Variants in RBFOX3 observed in about 807,000 individuals in gnomAD.
RBFOX3 encodes the protein RNA binding protein fox-1 homolog 3.
A neutral mutation model predicts 48.7 loss-of-function variants in RBFOX3; 17 were observed. That is an observed-to-expected ratio of 0.35 (90% CI 0.24 to 0.52). The LOEUF is 0.52. Ranked by LOEUF, RBFOX3 falls within the 20% of genes least tolerant of loss-of-function variation. The pLI is 0.94. For missense variants in RBFOX3, 382 were observed against 497.5 expected (o/e 0.77, Z 2.21); for synonymous variants, 212 against 209.5 (o/e 1.01, Z -0.10).
At chr17:79,255,726 G>A (rs1013135672) in intron 3 of RBFOX3, among the ~76,000 whole-genome samples, 45 of 151,976 alleles carry the variant, frequency 3.0e-4, no homozygotes, top group African/African-American at 1.0e-3. Context: ...TCACCATCCC[G>A]GGGGCACCTG....
chr17:79,248,028 C>T (rs1183637114), intron 3 of RBFOX3, among the ~76,000 whole-genome samples: 1 of 152,244 alleles, frequency 6.6e-6, no homozygotes, highest in African/African-American at 2.4e-5. Context: ...CCACCAGAGG[C>T]AGTCACAGCA....
intron 2 of RBFOX3, among the ~76,000 whole-genome samples, chr17:79,351,842 C>T (rs958474087): frequency 6.6e-6 from 1 of 152,140 alleles, no homozygotes; most frequent in Non-Finnish European, 1.5e-5. Context: ...TGAGGAAGTA[C>T]AATTTTTCTT....
intron 1 of RBFOX3, among the ~76,000 whole-genome samples, chr17:79,570,634 C>T (rs1160300837): frequency 1.3e-5 from 2 of 152,318 alleles, no homozygotes; most frequent in Non-Finnish European, 1.5e-5. Context: ...CACTAGCTCT[C>T]AAGCCCTCCT....
intron 3 of RBFOX3, among the ~76,000 whole-genome samples, chr17:79,268,831 G>T (rs1009077839): frequency 6.6e-6 from 1 of 152,076 alleles, no homozygotes; most frequent in African/African-American, 2.4e-5. Context: ...TCTCATTCCT[G>T]TTCCTTCCTC....
At chr17:79,553,345 T>G (rs2091328236) in intron 1 of RBFOX3, among the ~76,000 whole-genome samples, 2 of 152,294 alleles carry the variant, frequency 1.3e-5, no homozygotes, top group Non-Finnish European at 1.5e-5. Flanking sequence ...GTATTATTAT[T>G]TTAAGATGAT....
chr17:79,215,541 C>T (rs2058930221), intron 4 of RBFOX3, among the ~76,000 whole-genome samples: 1 of 152,240 alleles, frequency 6.6e-6, no homozygotes, highest in Non-Finnish European at 1.5e-5. Context: ...TGACCGACCA[C>T]TCAGACTCAT....
chr17:79,426,876 G>A (rs2067489062), intron 2 of RBFOX3, among the ~76,000 whole-genome samples: 1 of 152,066 alleles, frequency 6.6e-6, no homozygotes, highest in South Asian at 2.1e-4. Flanking sequence ...GGGTAATTTT[G>A]TATTTTTAGT....
the RBFOX3 span, among the ~76,000 whole-genome samples, chr17:79,624,766 T>C: frequency 6.6e-6 from 1 of 152,046 alleles, no homozygotes; most frequent in Non-Finnish European, 1.5e-5. Flanking sequence ...CTCTCCCATG[T>C]CACTGAGGTT....
chr17:79,187,839 A>G (rs2053718028), intron 4 of RBFOX3, among the ~76,000 whole-genome samples: 1 of 151,968 alleles, frequency 6.6e-6, no homozygotes, highest in African/African-American at 2.4e-5. Flanking sequence ...GGGATGGGAA[A>G]CCCAGCAGAC....
At chr17:79,572,813 G>A (rs1222874520) in intron 1 of RBFOX3, among the ~76,000 whole-genome samples, 4 of 152,160 alleles carry the variant, frequency 2.6e-5, no homozygotes, top group African/African-American at 7.2e-5. Flanking sequence ...TAATGGCCAC[G>A]CTGCAGGGAC....
At chr17:79,216,027 G>C (rs887666827) in intron 4 of RBFOX3, among the ~76,000 whole-genome samples, 3 of 152,254 alleles carry the variant, frequency 2.0e-5, no homozygotes, top group African/African-American at 7.2e-5. Flanking sequence ...GGTCACCCAG[G>C]GGTCCAGCAC....
chr17:79,217,738 C>T (rs1171186184), intron 4 of RBFOX3, among the ~76,000 whole-genome samples: 1 of 151,978 alleles, frequency 6.6e-6, no homozygotes, highest in South Asian at 2.1e-4. Flanking sequence ...GAAAGCTCAC[C>T]CTGAAGTCAA....
intron 1 of RBFOX3, among the ~76,000 whole-genome samples, chr17:79,519,935 T>C (rs1016586576): frequency 4.6e-5 from 7 of 152,196 alleles, no homozygotes; most frequent in Admixed American, 2.0e-4. Flanking sequence ...TGGCTGGTTT[T>C]CCTCTGCATC....
chr17:79,620,111 G>A, the RBFOX3 span, among the ~76,000 whole-genome samples: 4 of 123,356 alleles, frequency 3.2e-5, no homozygotes, highest in African/African-American at 4.3e-5. Flanking sequence ...GTGCATGCAC[G>A]CATATGCACA....
chr17:79,638,626 G>A, the RBFOX3 span, among the ~76,000 whole-genome samples: 1 of 152,160 alleles, frequency 6.6e-6, no homozygotes, highest in African/African-American at 2.4e-5. Flanking sequence ...GTTGCAGGTG[G>A]GACCTAATGG....
Position 79,421,677 on chromosome 17 carries a change from C to T in RBFOX3, c.-175+60777G>A, listed in dbSNP as rs1164309674. ...CACACCGAACGCGGTCACCATAGGA[C>T]CAAACAAGATGACCATAGGACCAAG... On this transcript the variant is annotated intron_variant, in intron 2 of 14. Transcript: ENST00000693108. The surrounding 1 kb of genome is among the most constrained non-coding windows in gnomAD (Gnocchi z 4.5). Among the ~76,000 whole-genome samples the T allele has an allele frequency of 6.6e-6, 1 of 152,118 alleles. No homozygotes were observed. Among genetic ancestry groups the T allele is most frequent in the East Asian group, 1.9e-4 (1 of 5,164 alleles).
At chr17:79,344,539 G>A (rs375317972) in intron 2 of RBFOX3, among the ~76,000 whole-genome samples, 1 of 93,688 alleles carries the variant, frequency 1.1e-5, no homozygotes, top group African/African-American at 3.9e-5. Flanking sequence ...CACTTTGTTT[G>A]ATTATTTATT....
rs75348792 is a variant in RBFOX3 at position 79,090,893 on chromosome 17, A to T, written c.1078-8T>A. ...AAACGGTGGAAGGTTTCACTACAACAGAAACAGAAAGGCAGGACTTGCAGC... is the reference window on the plus strand; with the variant it reads ...AAACGGTGGAAGGTTTCACTACAACTGAAACAGAAAGGCAGGACTTGCAGC... On this transcript the variant is annotated splice_polypyrimidine_tract_variant and splice_region_variant and intron_variant, in intron 14 of 14. Transcript: ENST00000693108. 6.5e-7 allele frequency: 1 copy of T among 1,535,950 alleles called. No homozygotes were observed.
intron 2 of RBFOX3, among the ~76,000 whole-genome samples, chr17:79,337,508 G>A (rs1161730940): frequency 1.3e-5 from 2 of 152,236 alleles, no homozygotes; most frequent in Non-Finnish European, 2.9e-5. Context: ...GGGCACGGTG[G>A]CTCACGCCTG....
Sources: gnomAD v4.1 joint callset for allele counts (sites outside exome capture counted in the v4.1 genomes callset) on GRCh38, gnomAD v4.1.1 for gene constraint, Gnocchi (gnomAD v3.1) non-coding constraint, MANE v1.5 for transcripts, NCBI Gene and HGNC (gene_info 2026-07-23, HGNC 2026-07-21) for gene names.